Variants in NXPH1 observed in about 807,000 individuals in gnomAD.
NXPH1 encodes the protein neurexophilin 1, also known as neurexophilin-1.
In NXPH1, 5 loss-of-function variants were observed where a neutral mutation model predicts 23.7. The observed-to-expected ratio is 0.21, with a 90% confidence interval of 0.11 to 0.44. The LOEUF (loss-of-function observed/expected upper bound fraction) is 0.44, where lower values mean the gene tolerates loss of function less well. Ranked by LOEUF, NXPH1 falls within the 20% of genes least tolerant of loss-of-function variation. The pLI, the probability that NXPH1 is intolerant of heterozygous loss-of-function variation, is 0.99. For missense variants in NXPH1, 324 were observed against 321.6 expected (o/e 1.01, Z -0.06); for synonymous variants, 144 against 122.2 (o/e 1.18, Z -1.18).
At chr7:8,460,611 G>A (rs1014701530) in intron 2 of NXPH1, among the ~76,000 whole-genome samples, 3 of 152,178 alleles carry the variant, frequency 2.0e-5, no homozygotes, top group African/African-American at 7.2e-5. Flanking sequence ...CATTGGACAT[G>A]CCTAGCTCTG....
At chr7:8,599,468 T>C (rs1257547490) in intron 2 of NXPH1, among the ~76,000 whole-genome samples, 1 of 152,150 alleles carries the variant, frequency 6.6e-6, no homozygotes, top group African/African-American at 2.4e-5. Flanking sequence ...TACAATAGTA[T>C]TCAATTTTCT....
At chr7:8,465,281 G>C (rs1816766796) in intron 2 of NXPH1, among the ~76,000 whole-genome samples, 1 of 152,188 alleles carries the variant, frequency 6.6e-6, no homozygotes, top group South Asian at 2.1e-4. Context: ...TGGAATTTCT[G>C]TTATAGCCCC....
chr7:8,739,159 G>A (rs537155837), intron 2 of NXPH1, among the ~76,000 whole-genome samples: 184 of 119,020 alleles, frequency 1.5e-3, no homozygotes, highest in Non-Finnish European at 2.3e-3. Flanking sequence ...GGAGTTCCAG[G>A]CACCAGTGGG....
chr7:8,488,105 C>T (rs1817188583), intron 2 of NXPH1, among the ~76,000 whole-genome samples: 1 of 152,102 alleles, frequency 6.6e-6, no homozygotes, highest in Non-Finnish European at 1.5e-5. Flanking sequence ...TCTTGCTCTT[C>T]ATTTGTTTAA....
At chr7:8,510,768 A>T (rs1366921406) in intron 2 of NXPH1, among the ~76,000 whole-genome samples, 2 of 152,088 alleles carry the variant, frequency 1.3e-5, no homozygotes, top group Admixed American at 1.3e-4. Context: ...ATTAATTTAA[A>T]TATTCTGTTA....
intron 2 of NXPH1, among the ~76,000 whole-genome samples, chr7:8,530,885 G>A (rs1342386282): frequency 2.6e-5 from 4 of 152,194 alleles, no homozygotes; most frequent in East Asian, 3.8e-4. Context: ...TCTGAAGGGA[G>A]GGGGTTAAAT....
At chr7:8,490,797 A>G (rs1435000371) in intron 2 of NXPH1, among the ~76,000 whole-genome samples, 1 of 152,124 alleles carries the variant, frequency 6.6e-6, no homozygotes, top group Non-Finnish European at 1.5e-5. Flanking sequence ...ATCCCAAGCG[A>G]TATAATTTAA....
intron 2 of NXPH1, among the ~76,000 whole-genome samples, chr7:8,546,281 C>T (rs764661939): frequency 6.6e-6 from 1 of 151,312 alleles, no homozygotes; most frequent in Non-Finnish European, 1.5e-5. Context: ...CAAAGGGAAA[C>T]TGAGTTCGGG....
At chr7:8,593,034 A>G (rs1287204739) in intron 2 of NXPH1, among the ~76,000 whole-genome samples, 1 of 152,010 alleles carries the variant, frequency 6.6e-6, no homozygotes, top group African/African-American at 2.4e-5. Flanking sequence ...GGTCTGGTAG[A>G]TTCCAAGGTC....
intron 2 of NXPH1, among the ~76,000 whole-genome samples, chr7:8,624,999 C>A (rs191720990): frequency 6.6e-6 from 1 of 152,280 alleles, no homozygotes; most frequent in African/African-American, 2.4e-5. Context: ...AAAGCACTCA[C>A]ATTCCACTGG....
chr7:8,709,127 A>G (rs554086575), intron 2 of NXPH1, among the ~76,000 whole-genome samples: 1 of 152,346 alleles, frequency 6.6e-6, no homozygotes, highest in African/African-American at 2.4e-5. Flanking sequence ...TGCTTCTCCA[A>G]ATAAGAGTAT....
At position 8,452,878 on chromosome 7, in the gene NXPH1, A is replaced by T. The variant is rs1192009307; in HGVS notation, c.54+17111A>T. Among the ~76,000 whole-genome samples, 5 of 152,228 alleles carry T rather than the reference A, an allele frequency of 3.3e-5. No homozygotes were observed. In the East Asian group the frequency reaches 9.7e-4, roughly 29 times the overall value. ...TTTGTAAATATATTGGCAAAAATTA[A>T]CTGGATCCTTCTTGGTAAGAAGCAT... On this transcript the variant is annotated intron_variant, in intron 2 of 2. Transcript: ENST00000405863.
chr7:8,613,235 C>T (rs1211197278), intron 2 of NXPH1, among the ~76,000 whole-genome samples: 1 of 151,822 alleles, frequency 6.6e-6, no homozygotes, highest in African/African-American at 2.4e-5. Context: ...GTTTTGCGCA[C>T]ATTTTCTTTT....
chr7:8,653,802 G>C (rs1236483593), intron 2 of NXPH1, among the ~76,000 whole-genome samples: 1 of 152,132 alleles, frequency 6.6e-6, no homozygotes, highest in Non-Finnish European at 1.5e-5. Flanking sequence ...CATCTTATCA[G>C]AAACATGATA....
chr7:8,739,113 C>T (rs1780314446), intron 2 of NXPH1, among the ~76,000 whole-genome samples: 1 of 147,236 alleles, frequency 6.8e-6, no homozygotes, highest in Admixed American at 6.9e-5. Flanking sequence ...CTGGTTTCAT[C>T]CCCCTTTCCA....
At chr7:8,749,322 G>C (rs773485385) in intron 2 of NXPH1, among the ~76,000 whole-genome samples, 47 of 152,314 alleles carry the variant, frequency 3.1e-4, no homozygotes, top group Non-Finnish European at 4.9e-4. Flanking sequence ...GCAGAGGGAA[G>C]TTAACTAACT....
chr7:8,466,548 T>C (rs1816788951), intron 2 of NXPH1, among the ~76,000 whole-genome samples: 1 of 152,192 alleles, frequency 6.6e-6, no homozygotes, highest in South Asian at 2.1e-4. Context: ...TTCATGTTCT[T>C]TTTTCTTTAG....
intron 2 of NXPH1, among the ~76,000 whole-genome samples, chr7:8,598,637 C>G (rs1282834726): frequency 6.6e-6 from 1 of 152,112 alleles, no homozygotes; most frequent in African/African-American, 2.4e-5. Context: ...ATTGAGTGAA[C>G]CATAAGTATA....
At chr7:8,636,056 G>A (rs773719543) in intron 2 of NXPH1, among the ~76,000 whole-genome samples, 1 of 152,080 alleles carries the variant, frequency 6.6e-6, no homozygotes, top group Admixed American at 6.6e-5. Flanking sequence ...TTTTATTGAA[G>A]TTGGACTGCA....
Sources: allele counts gnomAD v4.1 joint callset (sites outside exome capture counted in the v4.1 genomes callset), GRCh38; gene constraint gnomAD v4.1.1; transcripts MANE v1.5; gene names NCBI Gene and HGNC (gene_info 2026-07-23, HGNC 2026-07-21).